Variants in DSG2 observed in about 807,000 individuals in gnomAD.
DSG2 encodes desmoglein-2.
In DSG2, 45 loss-of-function variants were observed where a neutral mutation model predicts 75.6. That is an observed-to-expected ratio of 0.60 (90% CI 0.47 to 0.76). The LOEUF (loss-of-function observed/expected upper bound fraction) is 0.76. Ranked by LOEUF, DSG2 falls within the 30% of genes least tolerant of loss-of-function variation. The pLI, the probability that DSG2 is intolerant of heterozygous loss-of-function variation, is 0.00. For missense variants in DSG2, 1,267 were observed against 1,357.4 expected, an observed-to-expected ratio of 0.93 and a Z score of 1.05; for synonymous variants, 429 against 483.9, an observed-to-expected ratio of 0.89 and a Z score of 1.49.
At chr18:31,538,605 G>A (rs949378758) in intron 11 of DSG2, 146 bp from the exon 12 acceptor site, 2 of 773,236 alleles carry the variant, frequency 2.6e-6, no homozygotes, top group Non-Finnish European at 4.5e-6. Context: ...AAATTTTAAT[G>A]AGCACACTTC....
chr18:31,525,842 C>T (rs1381362977), intron 8 of DSG2, among the ~76,000 whole-genome samples: 1 of 152,078 alleles, frequency 6.6e-6, no homozygotes. Flanking sequence ...GCATTTATGT[C>T]GAATTACAGG....
intron 14 of DSG2, chr18:31,543,116 C>G: frequency 2.9e-6 from 1 of 350,400 alleles, no homozygotes; most frequent in Non-Finnish European, 5.1e-6. Flanking sequence ...ATGTTTTTGC[C>G]AGTCAGTCAG....
chr18:31,498,860 A>G (rs1383144100), intron 1 of DSG2, among the ~76,000 whole-genome samples: 1 of 152,236 alleles, frequency 6.6e-6, no homozygotes, highest in Admixed American at 6.5e-5. Flanking sequence ...TGGATCACCC[A>G]CATATAGTTT....
At chr18:31,518,519 G>T (rs1324790201) in intron 2 of DSG2, among the ~76,000 whole-genome samples, 2 of 152,160 alleles carry the variant, frequency 1.3e-5, no homozygotes, top group African/African-American at 2.4e-5. Flanking sequence ...CCATGACGAG[G>T]TGCTGAATGA....
intron 1 of DSG2, among the ~76,000 whole-genome samples, chr18:31,515,981 T>G (rs1471010666): frequency 6.6e-6 from 1 of 152,130 alleles, no homozygotes; most frequent in Non-Finnish European, 1.5e-5. Context: ...GGCAAACAAC[T>G]GAGAAAAGCT....
intron 8 of DSG2, among the ~76,000 whole-genome samples, chr18:31,530,230 C>T (rs2073186315): frequency 6.6e-6 from 1 of 152,040 alleles, no homozygotes; most frequent in Non-Finnish European, 1.5e-5. Context: ...TTTTAATATG[C>T]TAATGTGTAA....
intron 8 of DSG2, 135 bp downstream of exon 8, chr18:31,525,023 C>A: frequency 1.1e-6 from 1 of 877,892 alleles, no homozygotes; most frequent in Non-Finnish European, 1.8e-6. Context: ...GAGAAAGGAG[C>A]CATCCCTATT....
intron 4 of DSG2, 26 bp downstream of exon 4, chr18:31,520,990 T>A: frequency 1.2e-6 from 2 of 1,610,840 alleles, no homozygotes; most frequent in Non-Finnish European, 1.7e-6. Context: ...TTAGATTTAT[T>A]AGTTTGTAGT....
chr18:31,523,307 A>T (rs773284845), intron 6 of DSG2, among the ~76,000 whole-genome samples: 1 of 152,140 alleles, frequency 6.6e-6, no homozygotes, highest in Non-Finnish European at 1.5e-5. Flanking sequence ...AGGCTGAGGC[A>T]GGAGAATGGT....
At chr18:31,510,150 G>T (rs2073059032) in intron 1 of DSG2, among the ~76,000 whole-genome samples, 1 of 152,200 alleles carries the variant, frequency 6.6e-6, no homozygotes, top group Non-Finnish European at 1.5e-5. Context: ...AAGAACCACT[G>T]GCAAGTGCCA....
At chr18:31,538,204 T>G (rs1352629754) in intron 11 of DSG2, among the ~76,000 whole-genome samples, 1 of 152,194 alleles carries the variant, frequency 6.6e-6, no homozygotes, top group Non-Finnish European at 1.5e-5. Flanking sequence ...CACTAAAATA[T>G]TCTTTCAACT....
chr18:31,520,761 C>T (rs369845986), intron 3 of DSG2, 42 bp from the exon 4 acceptor site: 3 of 1,601,136 alleles, frequency 1.9e-6, no homozygotes, highest in Admixed American at 1.7e-5. Context: ...TAGTAAATTA[C>T]AGAGAGTTCA....
At chr18:31,516,940 T>C (rs1454547245) in intron 1 of DSG2, among the ~76,000 whole-genome samples, 4 of 152,196 alleles carry the variant, frequency 2.6e-5, no homozygotes, top group Non-Finnish European at 5.9e-5. Context: ...GGGTAGCCCT[T>C]AGCACATGTG....
chr18:31,536,936 CAG>C lies in DSG2; in HGVS notation c.1651+508_1651+509del, dbSNP rs35810740. ...CTAGAACATGATAGAAACAACATAA[CAG>C]GGGAGTTATCTGATTCCCCCCTTCC... On this transcript the variant is annotated intron_variant, in intron 11 of 14. Transcript: ENST00000261590. Among the ~76,000 whole-genome samples, 992 of 152,280 alleles carry C rather than the reference CAG, an allele frequency of 6.5e-3. 15 individuals are homozygous for C. The highest frequency in any genetic ancestry group is 0.023 in the African/African-American group (937 of 41,544).
At chr18:31,529,070 T>C (rs541419822) in intron 8 of DSG2, among the ~76,000 whole-genome samples, 2 of 152,226 alleles carry the variant, frequency 1.3e-5, no homozygotes, top group African/African-American at 4.8e-5. Context: ...AATATGGAAA[T>C]AGAGATAGTA....
chr18:31,538,667 A>G, intron 11 of DSG2, 84 bp from the exon 12 acceptor site: 2 of 1,092,874 alleles, frequency 1.8e-6, no homozygotes, highest in Non-Finnish European at 2.8e-6. Context: ...ACAATCAGCA[A>G]TGAAAGAACA....
At chr18:31,531,646 T>C (rs1156356376) in intron 9 of DSG2, among the ~76,000 whole-genome samples, 1 of 152,268 alleles carries the variant, frequency 6.6e-6, no homozygotes, top group South Asian at 2.1e-4. Context: ...AGTTACATAA[T>C]GTATTTTAAT....
intron 8 of DSG2, among the ~76,000 whole-genome samples, chr18:31,525,447 A>C (rs1463356830): frequency 2.6e-5 from 4 of 151,890 alleles, no homozygotes; most frequent in African/African-American, 9.7e-5. Context: ...TGAACCCAAG[A>C]GGCGGAGGCT....
At position 31,531,171 on chromosome 18, in the gene DSG2, G is replaced by A. The variant is rs1188569362; in HGVS notation, c.1199G>A (p.Ser400Asn). 1.9e-6 allele frequency: 3 copies of A among 1,614,166 alleles called. No individual in the cohort carries two copies. Among genetic ancestry groups the A allele is most frequent in the Admixed American group, 3.3e-5 (2 of 60,022 alleles). ...SSVISIYVSESMDRSSKGQII... is the reference protein window; with the variant it reads ...SSVISIYVSENMDRSSKGQII... ...GTCATCTCAATTTATGTTAGCGAGA[G>A]CATGGATAGATCAAGCAAAGGCCAA... The change falls in exon 9 of 15, where the codon AGC (serine) becomes AAC (asparagine). Residue 400 changes from serine (S) to asparagine (N), a missense_variant. Physicochemically the swap from Ser to Asn is conservative, Grantham distance 46 (BLOSUM62 1). Coordinates refer to ENST00000261590, the MANE Select transcript of DSG2 (RefSeq NM_001943.5).
Sources: allele counts gnomAD v4.1 joint callset (sites outside exome capture counted in the v4.1 genomes callset), GRCh38; gene constraint gnomAD v4.1.1; transcripts MANE v1.5; gene names NCBI Gene and HGNC (gene_info 2026-07-23, HGNC 2026-07-21).